RYR2: variants seen among roughly 807,000 people sequenced by gnomAD.
RYR2 encodes the protein cardiac muscle ryanodine receptor-calcium release channel.
RYR2 carries 227 observed loss-of-function variants against 601.1 expected under a neutral mutation model. That is an observed-to-expected ratio of 0.38 (90% CI 0.34 to 0.42). RYR2 has a LOEUF of 0.42. RYR2 is among the 10% of genes least tolerant of loss of function. The pLI, the probability that RYR2 is intolerant of heterozygous loss-of-function variation, is 1.00. For synonymous variants in RYR2, 2,223 were observed against 2,175.1 expected, an observed-to-expected ratio of 1.02 and a Z score of -0.61; for missense variants, 4,646 against 6,156.5, an observed-to-expected ratio of 0.75 and a Z score of 8.21.
chr1:237,265,168 AG>A (rs1406661631), intron 1 of RYR2, among the ~76,000 whole-genome samples: 1 of 152,174 alleles, frequency 6.6e-6, no homozygotes. Flanking sequence ...GAGATTTGAA[AG>A]ATGGGTAAGT....
chr1:237,352,034 TAAAA>T (rs752407008), intron 3 of RYR2, among the ~76,000 whole-genome samples: 3 of 151,574 alleles, frequency 2.0e-5, no homozygotes, highest in African/African-American at 7.3e-5. Flanking sequence ...CTTATTAAGA[TAAAA>T]AAATATTTAT....
intron 41 of RYR2, among the ~76,000 whole-genome samples, chr1:237,628,798 T>TA (rs1002221954): frequency 7.3e-5 from 11 of 151,658 alleles, no homozygotes; most frequent in East Asian, 1.9e-4. Flanking sequence ...ATTAAAAAAA[T>TA]AAAAAAACAC....
chr1:237,219,091 C>T (rs1683506978), intron 1 of RYR2, among the ~76,000 whole-genome samples: 1 of 150,924 alleles, frequency 6.6e-6, no homozygotes, highest in Non-Finnish European at 1.5e-5. Flanking sequence ...CGGCTCACCA[C>T]ACCTCTGCTT....
intron 1 of RYR2, among the ~76,000 whole-genome samples, chr1:237,209,594 T>G (rs1682342899): frequency 6.6e-6 from 1 of 151,830 alleles, no homozygotes; most frequent in Non-Finnish European, 1.5e-5. Flanking sequence ...GGCTTCTGCC[T>G]GTAATCCCAG....
chr1:237,634,142 C>G (rs963266762), intron 43 of RYR2, among the ~76,000 whole-genome samples: 2 of 152,072 alleles, frequency 1.3e-5, no homozygotes, highest in East Asian at 1.9e-4. Context: ...ATCAGTATGT[C>G]GAAGAGATAC....
chr1:237,224,785 A>G (rs527628382), intron 1 of RYR2, among the ~76,000 whole-genome samples: 31 of 152,282 alleles, frequency 2.0e-4, no homozygotes, highest in Non-Finnish European at 4.4e-4. Flanking sequence ...ACTTGAGCCC[A>G]GGAGTTGGAG....
chr1:237,792,213 C>T lies in RYR2; in HGVS notation c.13672C>T (p.His4558Tyr), dbSNP rs773264033. 4.3e-5 allele frequency: 70 copies of T among 1,613,630 alleles called. No individual in the cohort carries two copies. The Admixed American group carries it at 1.1e-3, about 25-fold the overall frequency. Residue 4558 changes from histidine to tyrosine, a missense_variant, in exon 94 of 105, where the codon CAC becomes TAC. Around this residue, in one of 17 missense-constraint regions of RYR2, gnomAD observed 364 missense variants for 442.9 expected, o/e 0.82. Transcript: ENST00000366574. ...DSSSHRIIAV[H>Y]YVLEESSGYM... Reference sequence around the variant, plus strand: ...CAGCTCCCATAGAATCATCGCAGTTCACTATGTACTAGAGGAGAGCAGCGG... The same window carrying T: ...CAGCTCCCATAGAATCATCGCAGTTTACTATGTACTAGAGGAGAGCAGCGG...
rs534154265 is a variant in RYR2, at chr1:237,607,646, A to G, written c.4684-3116A>G. Among the ~76,000 whole-genome samples the G allele has an allele frequency of 2.7e-4, 41 of 152,366 alleles. No individual in the cohort carries two copies. In the South Asian group the frequency reaches 3.5e-3, roughly 13 times the overall value. ...TAGATGAATGGAATTCAGGATCTCA[A>G]GGAGACTGAGAATGAATGATTGATT... On this transcript the variant is annotated intron_variant, in intron 35 of 104. Transcript: ENST00000366574.
chr1:237,763,273 C>T (rs1693573805), intron 84 of RYR2, among the ~76,000 whole-genome samples: 1 of 152,134 alleles, frequency 6.6e-6, no homozygotes. Flanking sequence ...AGAATGTGTG[C>T]CCTAGTCTCC....
intron 58 of RYR2, among the ~76,000 whole-genome samples, chr1:237,671,118 G>A (rs1430774961): frequency 6.6e-6 from 1 of 152,186 alleles, no homozygotes; most frequent in Non-Finnish European, 1.5e-5. Flanking sequence ...TGAGGTAGGG[G>A]AAATTAGTCC....
intron 1 of RYR2, among the ~76,000 whole-genome samples, chr1:237,148,359 G>A (rs1324036267): frequency 2.6e-5 from 4 of 151,706 alleles, no homozygotes; most frequent in Non-Finnish European, 5.9e-5. Context: ...TGTCGGGAGG[G>A]CTGGGGGATG....
intron 1 of RYR2, among the ~76,000 whole-genome samples, chr1:237,061,288 T>TATC (rs1558164180): frequency 2.0e-3 from 96 of 49,020 alleles, no homozygotes; most frequent in Middle Eastern, 0.017. Context: ...TCTATCTATC[T>TATC]ATCTATCTAT....
At chr1:237,458,740 TAAA>T (rs56396692) in intron 16 of RYR2, among the ~76,000 whole-genome samples, 1 of 149,188 alleles carries the variant, frequency 6.7e-6, no homozygotes, top group South Asian at 2.1e-4. Flanking sequence ...CAAAAAAAGT[TAAA>T]AAAAAAAAGA....
intron 24 of RYR2, among the ~76,000 whole-genome samples, chr1:237,526,198 T>G (rs1456752257): frequency 6.6e-6 from 1 of 152,156 alleles, no homozygotes; most frequent in East Asian, 1.9e-4. Context: ...ATAATAACCA[T>G]TCTGACTGGT....
At position 237,508,744 on chromosome 1, in the gene RYR2, T is replaced by C. The variant is rs919993663; in HGVS notation, c.2718+1930T>C. 1.4e-3 allele frequency among the ~76,000 whole-genome samples: 189 copies of C among 134,290 alleles called. 1 individual carries two copies. Among genetic ancestry groups the C allele is most frequent in the Non-Finnish European group, 2.3e-3 (143 of 62,592 alleles). The allele number at this position is 134,290 out of a possible 152,430, so 88.1% of individuals were successfully genotyped here. A position where few individuals can be genotyped will look rare whatever the true frequency, so the allele number is the denominator to read the frequency against. ...CACTCTTCGGGTTTTCTTTTTTTTTTTTTTTTTTTTTTTTTTGAGACGGAG... is the reference window on the plus strand; with the variant it reads ...CACTCTTCGGGTTTTCTTTTTTTTTCTTTTTTTTTTTTTTTTGAGACGGAG... On this transcript the variant is annotated intron_variant, in intron 23 of 104. Coordinates refer to ENST00000366574, the MANE Select transcript of RYR2 (RefSeq NM_001035.3).
chr1:237,365,938 G>A (rs144121514), intron 5 of RYR2, among the ~76,000 whole-genome samples: 23 of 152,340 alleles, frequency 1.5e-4, no homozygotes, highest in African/African-American at 4.6e-4. Flanking sequence ...TTTTAACTTC[G>A]AGGCCAGAAG....
chr1:237,292,616 C>T lies in RYR2; in HGVS notation c.168+22000C>T, dbSNP rs149780234. ...GGATTTGCAGCCAGAAAATTTTAAA[C>T]ATAAGCAGCAAACACTCAAGAAGTT... On this transcript the variant is annotated intron_variant, in intron 2 of 104. Transcript: ENST00000366574. Among the ~76,000 whole-genome samples the T allele has an allele frequency of 6.4e-3, 970 of 152,276 alleles. 6 individuals carry two copies. Among genetic ancestry groups the T allele is most frequent in the Non-Finnish European group, 0.01 (686 of 68,002 alleles).
At chr1:237,225,258 GT>G (rs1684235354) in intron 1 of RYR2, among the ~76,000 whole-genome samples, 1 of 152,172 alleles carries the variant, frequency 6.6e-6, no homozygotes, top group South Asian at 2.1e-4. Context: ...CTTGGGAACT[GT>G]CCCCAAGAGG....
intron 4 of RYR2, among the ~76,000 whole-genome samples, chr1:237,357,763 C>G (rs1394487015): frequency 6.6e-6 from 1 of 152,138 alleles, no homozygotes; most frequent in South Asian, 2.1e-4. Flanking sequence ...TATGTAGCCT[C>G]TTTATTGGCC....
Sources: gnomAD v4.1 joint callset for allele counts (sites outside exome capture counted in the v4.1 genomes callset) on GRCh38, gnomAD v4.1.1 for gene constraint, gnomAD v4.1.1 regional missense constraint, MANE v1.5 for transcripts, NCBI Gene and HGNC (gene_info 2026-07-23, HGNC 2026-07-21) for gene names.